Variants in MARF1 observed in about 807,000 individuals in gnomAD.
The protein encoded by MARF1 is limkain-b1.
Under a neutral mutation model 168.2 loss-of-function variants are expected in MARF1, and 24 were observed. The ratio of observed to expected loss-of-function variants is 0.14; its 90% CI spans 0.10 to 0.20. The LOEUF is 0.20. MARF1 is among the 10% of genes least tolerant of loss of function. The pLI, the probability that MARF1 is intolerant of heterozygous loss-of-function variation, is 1.00. For missense variants in MARF1, 1,744 were observed against 2,143.6 expected (o/e 0.81, Z 3.68); for synonymous variants, 868 against 822.4 (o/e 1.06, Z -0.95).
At chr16:15,627,858 C>T (rs905783903) in intron 7 of MARF1, among the ~76,000 whole-genome samples, 1 of 152,156 alleles carries the variant, frequency 6.6e-6, no homozygotes, top group African/African-American at 2.4e-5. Flanking sequence ...CACTTACTGG[C>T]CTGGCAAACA....
In MARF1 at chr16:15,608,279, AAAAAC is replaced by A; in HGVS notation, c.4182+7_4182+11del. The stretch of plus-strand genomic sequence containing the variant: ...ATGAGGGAAAAAAAAAAAAAAAAAA[AAAAAC>A]ATTTACCTTCACGACATGGCAGAGT... On this transcript the variant is annotated splice_region_variant and intron_variant, in intron 21 of 26. Coordinates refer to ENST00000396368, the MANE Select transcript of MARF1 (RefSeq NM_014647.4). 2 of 1,494,720 alleles carry A rather than the reference AAAAAC, an allele frequency of 1.3e-6. No homozygotes were observed. The highest frequency in any genetic ancestry group is 1.3e-5 in the South Asian group (1 of 79,764). The allele number at this position is 1,494,720 out of a possible 1,614,324, so 92.6% of individuals were successfully genotyped here.
intron 26 of MARF1, among the ~76,000 whole-genome samples, chr16:15,597,763 G>C (rs2031895239): frequency 1.3e-5 from 2 of 152,136 alleles, no homozygotes; most frequent in South Asian, 4.1e-4. Flanking sequence ...GCATGCAGTT[G>C]AACTTGCCCA....
rs770912624 is a variant in MARF1, at chr16:15,600,501, C to T, written c.4740G>A (p.Ser1580=). 2.5e-5 allele frequency: 41 copies of T among 1,614,030 alleles called. No individual in the cohort carries two copies. Among genetic ancestry groups the T allele is most frequent in the Middle Eastern group, 1.6e-4 (1 of 6,084 alleles). Residue 1580 remains serine (S), a synonymous_variant, in exon 25 of 27, where the codon TCG becomes TCA. Transcript: ENST00000396368. ...GCACCTCCAGGATGCGCTCGCCCTC[C>T]GAGGGCTGGTTTTCATGATTGGCAG... is the stretch of plus-strand genomic sequence containing the variant. ...LSPANHENQP[S]EGERILEVPE...
intron 19 of MARF1, 111 bp downstream of exon 19, chr16:15,610,864 G>T: frequency 9.8e-7 from 1 of 1,017,718 alleles, no homozygotes; most frequent in Non-Finnish European, 1.5e-6. Context: ...TGCTTTCTGT[G>T]GAATCTTCAG....
chr16:15,636,367 A>T, intron 2 of MARF1, 25 bp from the exon 3 acceptor site: 1 of 1,511,982 alleles, frequency 6.6e-7, no homozygotes, highest in Non-Finnish European at 8.9e-7. Flanking sequence ...TCAGAACATA[A>T]ATTAATTTTA....
At chr16:15,629,677 C>T (rs966305231) in intron 7 of MARF1, among the ~76,000 whole-genome samples, 2 of 152,174 alleles carry the variant, frequency 1.3e-5, no homozygotes, top group African/African-American at 2.4e-5. Context: ...CACACATATT[C>T]GCCAGCGGCT....
chr16:15,617,232 G>C (rs1193226940), intron 14 of MARF1, 61 bp from the exon 15 acceptor site: 5 of 1,610,112 alleles, frequency 3.1e-6, no homozygotes, highest in Non-Finnish European at 4.2e-6. Flanking sequence ...ATGTTCACAA[G>C]GTCATCCTAA....
Position 15,612,619 on chromosome 16 carries a change from C to T in MARF1, c.3412G>A (p.Val1138Met), listed in dbSNP as rs1227896876. Residue 1138 changes from valine to methionine, a missense_variant, in exon 17 of 27, where the codon GTG becomes ATG. Val to Met is a conservative substitution (Grantham distance 21). Around this residue, in one of 7 missense-constraint regions of MARF1, gnomAD observed 543 missense variants for 742.1 expected, o/e 0.73. Transcript: ENST00000396368. ...AGCTTGGAGTATCCGTAGTCTGACA[C>T]TCGGCACTGCTTTGCAAAATGATGG... ...YHHHFAKQCR[V>M]SDYGYSKLIE... 1 of 1,614,124 alleles carries T rather than the reference C, an allele frequency of 6.2e-7. No individual in the cohort carries two copies. Among genetic ancestry groups the T allele is most frequent in the Non-Finnish European group, 8.5e-7 (1 of 1,180,042 alleles).
chr16:15,597,239 C>G lies in MARF1; in HGVS notation c.4985-302G>C, dbSNP rs151230778. On this transcript the variant is annotated intron_variant, in intron 26 of 26. Transcript: ENST00000396368. ...TGTTTTTCCATTTTGGATTCTCTGCCCATTCATTCTGCCTGCCAGATATTA... is the reference window on the plus strand; with the variant it reads ...TGTTTTTCCATTTTGGATTCTCTGCGCATTCATTCTGCCTGCCAGATATTA... Among the ~76,000 whole-genome samples, 649 of 152,256 alleles carry G rather than the reference C, an allele frequency of 4.3e-3. 4 individuals are homozygous for G. Among genetic ancestry groups the G allele is most frequent in the African/African-American group, 0.015 (611 of 41,538 alleles).
In MARF1 at chr16:15,595,599, A is replaced by G. The variant is rs1303599626; in HGVS notation, c.*1094T>C. 1 of 152,590 alleles carries G rather than the reference A, an allele frequency of 6.6e-6. No homozygotes were observed. Among genetic ancestry groups the G allele is most frequent in the Non-Finnish European group, 1.5e-5 (1 of 68,044 alleles). 9.5% of individuals were successfully genotyped at this position (152,590 alleles called of 1,614,324 possible). A position where few individuals can be genotyped will look rare whatever the true frequency, so the allele number is the denominator to read the frequency against. On this transcript the variant is annotated 3_prime_UTR_variant, in exon 27 of 27. Transcript: ENST00000396368. The stretch of plus-strand genomic sequence containing the variant: ...CCCAGAGATGCTTCCAACAGCGAGA[A>G]GTAACGAGAGTAAAATCAGACACGA...
intron 11 of MARF1, among the ~76,000 whole-genome samples, chr16:15,622,400 T>C (rs895614667): frequency 1.3e-5 from 2 of 152,062 alleles, no homozygotes; most frequent in African/African-American, 2.4e-5. Flanking sequence ...CTTTTTTTTT[T>C]TTTCTTTCTG....
In MARF1 at chr16:15,611,721, C is replaced by T; in HGVS notation, c.3488G>A (p.Gly1163Asp). 1 of 1,613,748 alleles carries T rather than the reference C, an allele frequency of 6.2e-7. No individual in the cohort carries two copies. The highest frequency in any genetic ancestry group is 8.5e-7 in the Non-Finnish European group (1 of 1,179,812). Reference protein sequence around the residue: ...VPHVLQILGMGSKRLLTLTHR... With the variant: ...VPHVLQILGMDSKRLLTLTHR... ...GGTAAGGGTCAGCAGACGTTTGGAG[C>T]CCATTCCAAGAATCTGCAAAGCAAA... The change falls in exon 18 of 27, where the codon GGC becomes GAC. Residue 1163 changes from glycine (G) to aspartate (D), a missense_variant. Physicochemically the swap from Gly to Asp is moderately conservative, Grantham distance 94. This residue lies in a region of MARF1 where 543 missense variants were observed against 742.1 expected (regional missense o/e 0.73). Coordinates refer to ENST00000396368, the MANE Select transcript of MARF1 (RefSeq NM_014647.4).
At chr16:15,626,189 T>C (rs1178341008) in intron 7 of MARF1, among the ~76,000 whole-genome samples, 1 of 152,174 alleles carries the variant, frequency 6.6e-6, no homozygotes, top group Non-Finnish European at 1.5e-5. Flanking sequence ...ATTCCATTTC[T>C]ATAAAGCATC....
In MARF1 at chr16:15,631,385, C is replaced by T; in HGVS notation, c.1347G>A (p.Val449=). The change falls in exon 6 of 27, where the codon GTG becomes GTA. Residue 449 remains valine (V), a synonymous_variant. Coordinates refer to ENST00000396368, the MANE Select transcript of MARF1 (RefSeq NM_014647.4). The part of the protein sequence containing the change: ...THTAPATVVL[V]STDVNFALEL... ...AGCAGATGTTTCTGTACTTACTTGA[C>T]ACAAGAACCACTGTGGCTGGAGCAG... 6.2e-7 allele frequency: 1 copy of T among 1,604,948 alleles called. No homozygotes were observed. The highest frequency in any genetic ancestry group is 1.7e-4 in the Middle Eastern group (1 of 6,044).
chr16:15,601,596 C>A (rs921709702), intron 23 of MARF1: 1 of 295,840 alleles, frequency 3.4e-6, no homozygotes, highest in Non-Finnish European at 6.5e-6. Flanking sequence ...CTCCTTGTCA[C>A]GTGCTTCCCT....
intron 22 of MARF1, chr16:15,602,503 G>A (rs1284071478): frequency 1.8e-6 from 1 of 544,808 alleles, no homozygotes; most frequent in African/African-American, 2.0e-5. Flanking sequence ...ACAAGACGAA[G>A]ACGACGATGA....
intron 7 of MARF1, among the ~76,000 whole-genome samples, chr16:15,626,996 AG>A (rs1233025303): frequency 6.6e-6 from 1 of 150,450 alleles, no homozygotes; most frequent in African/African-American, 2.5e-5. Context: ...GAAAGAAGGA[AG>A]TAGAACTGGA....
rs2151024469 is a variant in MARF1, at chr16:15,600,504, G to A, written c.4737C>T (p.Pro1579=). Residue 1579 remains proline (P), a synonymous_variant, in exon 25 of 27, where the codon CCC becomes CCT. Transcript: ENST00000396368. ...CCTCCAGGATGCGCTCGCCCTCCGA[G>A]GGCTGGTTTTCATGATTGGCAGGGG... The part of the protein sequence containing the change: ...SLSPANHENQ[P]SEGERILEVP... 6.2e-7 allele frequency: 1 copy of A among 1,614,232 alleles called. No homozygotes were observed. Among genetic ancestry groups the A allele is most frequent in the East Asian group, 2.2e-5 (1 of 44,888 alleles).
At position 15,600,539 on chromosome 16, in the gene MARF1, G is replaced by A; in HGVS notation, c.4702C>T (p.Leu1568Phe). 1 of 1,614,226 alleles carries A rather than the reference G, an allele frequency of 6.2e-7. No individual in the cohort carries two copies. The highest frequency in any genetic ancestry group is 8.5e-7 in the Non-Finnish European group (1 of 1,180,044). ...KNDMKSRLSS[L>F]SLSPANHENQ... ...TCATGATTGGCAGGGGAGAGACTGA[G>A]TGAACTCAAACGACCTACAGGACAA... Residue 1568 changes from leucine (L) to phenylalanine (F), a missense_variant, in exon 25 of 27, where the codon CTC becomes TTC. Leu to Phe is a conservative substitution (Grantham distance 22). Transcript: ENST00000396368.
Sources: allele counts gnomAD v4.1 joint callset (sites outside exome capture counted in the v4.1 genomes callset), GRCh38; gene constraint gnomAD v4.1.1; regional missense constraint gnomAD v4.1.1; transcripts MANE v1.5; gene names NCBI Gene and HGNC (gene_info 2026-07-23, HGNC 2026-07-21).